SNAP23: variants seen among roughly 807,000 people sequenced by gnomAD.
SNAP23 encodes the protein synaptosomal-associated protein 23.
In SNAP23, 11 loss-of-function variants were observed where a neutral mutation model predicts 29.0. That is an observed-to-expected ratio of 0.38 (90% CI 0.24 to 0.63). SNAP23 has a LOEUF of 0.63. SNAP23 is among the 20% of genes least tolerant of loss of function. The probability of loss-of-function intolerance (pLI) is 0.58; values close to 1 mark genes in which losing one functional copy is unlikely to be tolerated. For synonymous variants in SNAP23, 60 were observed against 82.9 expected (o/e 0.72, Z 1.50); for missense variants, 220 against 253.9 (o/e 0.87, Z 0.91).
chr15:42,497,204 AT>A lies in SNAP23; in HGVS notation c.-15+1513del, dbSNP rs1192101985. Reference sequence around the variant, plus strand: ...AAATGTGTGCCACCAAACCTGGCTAATTTTTTTTTTTTTTTTTTTTTTGAGA... The same window carrying A: ...AAATGTGTGCCACCAAACCTGGCTAATTTTTTTTTTTTTTTTTTTTTGAGA... On this transcript the variant is annotated intron_variant, in intron 1 of 7. Coordinates refer to ENST00000249647, the MANE Select transcript of SNAP23 (RefSeq NM_003825.4). 6.5e-3 allele frequency among the ~76,000 whole-genome samples: 682 copies of A among 104,282 alleles called. 1 individual carries two copies. The highest frequency in any genetic ancestry group is 0.013 in the South Asian group (44 of 3,292). The allele number at this position is 104,282 out of a possible 152,430, so 68.4% of individuals were successfully genotyped here.
intron 1 of SNAP23, among the ~76,000 whole-genome samples, chr15:42,504,535 T>G (rs2057302249): frequency 6.6e-6 from 1 of 152,222 alleles, no homozygotes; most frequent in South Asian, 2.1e-4. Flanking sequence ...ATTGTTACTT[T>G]CCTTTTGTTT....
Position 42,520,145 on chromosome 15 carries a change from G to A in SNAP23, c.266+4791G>A, listed in dbSNP as rs965195856. ...AGCTCACTGCAACCCCTGCCTCCCAGGTTCAAGTGATTCTGCTGCCTCAGC... is the reference window on the plus strand; with the variant it reads ...AGCTCACTGCAACCCCTGCCTCCCAAGTTCAAGTGATTCTGCTGCCTCAGC... On this transcript the variant is annotated intron_variant, in intron 5 of 7. Coordinates refer to ENST00000249647, the MANE Select transcript of SNAP23 (RefSeq NM_003825.4). Among the ~76,000 whole-genome samples, 4 of 147,900 alleles carry A rather than the reference G, an allele frequency of 2.7e-5. No homozygotes were observed. The South Asian group carries it at 6.4e-4, about 24-fold the overall frequency.
rs5812226 is a variant in SNAP23, at chr15:42,522,842, C to CTTTTTTTTT, written c.267-5407_267-5399dup. On this transcript the variant is annotated intron_variant, in intron 5 of 7. Transcript: ENST00000249647. ...TTTCAGATTCTTACTTAAAACTTGC[C>CTTTTTTTTT]TTTTTTTTTTTTTTTTTTTTTGAGA... Among the ~76,000 whole-genome samples the CTTTTTTTTT allele has an allele frequency of 5.5e-5, 5 of 91,054 alleles. 1 individual carries two copies. Among genetic ancestry groups the CTTTTTTTTT allele is most frequent in the African/African-American group, 9.2e-5 (2 of 21,636 alleles). 59.7% of individuals were successfully genotyped at this position (91,054 alleles called of 152,430 possible).
At chr15:42,524,006 C>A (rs1161505587) in intron 5 of SNAP23, among the ~76,000 whole-genome samples, 1 of 151,406 alleles carries the variant, frequency 6.6e-6, no homozygotes, top group Non-Finnish European at 1.5e-5. Flanking sequence ...TTAGTAGAGA[C>A]GGGGTTTCAC....
At chr15:42,515,122 C>T in intron 4 of SNAP23, 115 bp from the exon 5 acceptor site, 1 of 667,504 alleles carries the variant, frequency 1.5e-6, no homozygotes, top group Non-Finnish European at 2.7e-6. Flanking sequence ...GACATACTCA[C>T]TGTGGGGAGT....
chr15:42,508,692 G>C (rs1020125841), intron 1 of SNAP23, among the ~76,000 whole-genome samples: 2 of 152,152 alleles, frequency 1.3e-5, no homozygotes. Context: ...AGGCAGCACA[G>C]AGGTCAGGAG....
rs1285042748 is a variant in SNAP23 at position 42,532,449 on chromosome 15, G to C, written c.*971G>C. Reference sequence around the variant, plus strand: ...GATTCATATATGTACATAAATCTGTGATCCCATTTCTTATTGCACCATTCA... The same window carrying C: ...GATTCATATATGTACATAAATCTGTCATCCCATTTCTTATTGCACCATTCA... On this transcript the variant is annotated 3_prime_UTR_variant, in exon 8 of 8. Coordinates refer to ENST00000249647, the MANE Select transcript of SNAP23 (RefSeq NM_003825.4). 1 of 152,152 alleles carries C rather than the reference G, an allele frequency of 6.6e-6. No individual in the cohort carries two copies. Among genetic ancestry groups the C allele is most frequent in the Non-Finnish European group, 1.5e-5 (1 of 68,038 alleles). 9.4% of individuals were successfully genotyped at this position (152,152 alleles called of 1,614,324 possible).
intron 4 of SNAP23, 65 bp downstream of exon 4, chr15:42,513,512 G>T: frequency 7.5e-7 from 1 of 1,327,740 alleles, no homozygotes; most frequent in Non-Finnish European, 1.1e-6. Flanking sequence ...TATCAAATTA[G>T]CCACATACAA....
rs1400031602 is a variant in SNAP23 at position 42,495,634 on chromosome 15, A to G, written c.-94A>G. On this transcript the variant is annotated 5_prime_UTR_variant, in exon 1 of 8. Transcript: ENST00000249647. ...GCAGGCGCGCGGGCTCGGCGCGCGCAGGCGCGACTAGGGTGCAGCGCCAGG... is the reference window on the plus strand; with the variant it reads ...GCAGGCGCGCGGGCTCGGCGCGCGCGGGCGCGACTAGGGTGCAGCGCCAGG... 1 of 152,364 alleles carries G rather than the reference A, an allele frequency of 6.6e-6. No homozygotes were observed. The highest frequency in any genetic ancestry group is 1.5e-5 in the Non-Finnish European group (1 of 68,162). 9.4% of individuals were successfully genotyped at this position (152,364 alleles called of 1,614,324 possible). A position where few individuals can be genotyped will look rare whatever the true frequency, so the allele number is the denominator to read the frequency against.
At chr15:42,519,917 A>G (rs2141539454) in intron 5 of SNAP23, among the ~76,000 whole-genome samples, 1 of 152,290 alleles carries the variant, frequency 6.6e-6, no homozygotes, top group Non-Finnish European at 1.5e-5. Context: ...ACTATTCTGA[A>G]CATGTTAATT....
chr15:42,532,036 T>A lies in SNAP23; in HGVS notation c.*558T>A, dbSNP rs1249810609. On this transcript the variant is annotated 3_prime_UTR_variant, in exon 8 of 8. Coordinates refer to ENST00000249647, the MANE Select transcript of SNAP23 (RefSeq NM_003825.4). Reference sequence around the variant, plus strand: ...GAGCTTTTATACACAACGTTTTTGTTAGGCATCACAGTTTTGCAACCTCTG... The same window carrying A: ...GAGCTTTTATACACAACGTTTTTGTAAGGCATCACAGTTTTGCAACCTCTG... The A allele has an allele frequency of 6.6e-6, 1 of 152,218 alleles. No individual in the cohort carries two copies. Among genetic ancestry groups the A allele is most frequent in the African/African-American group, 2.4e-5 (1 of 41,458 alleles). 9.4% of individuals were successfully genotyped at this position (152,218 alleles called of 1,614,324 possible). A position where few individuals can be genotyped will look rare whatever the true frequency, so the allele number is the denominator to read the frequency against.
chr15:42,524,758 A>G (rs1424381107), intron 5 of SNAP23, among the ~76,000 whole-genome samples: 1 of 151,410 alleles, frequency 6.6e-6, no homozygotes, highest in African/African-American at 2.4e-5. Context: ...CTTTGGAAGG[A>G]AAGTAAATTA....
intron 1 of SNAP23, among the ~76,000 whole-genome samples, chr15:42,496,973 C>G (rs2057224525): frequency 6.6e-6 from 1 of 151,984 alleles, no homozygotes; most frequent in African/African-American, 2.4e-5. Flanking sequence ...CACCTCTCAC[C>G]AGATTCGAGA....
upstream of SNAP23, among the ~76,000 whole-genome samples, chr15:42,494,683 T>C (rs546165115): frequency 1.3e-5 from 2 of 151,948 alleles, no homozygotes; most frequent in Non-Finnish European, 2.9e-5. Context: ...GCCCGGCTAA[T>C]TTTTTGTATT....
chr15:42,491,166 TC>T (rs2057157993), upstream of SNAP23: 1 of 152,298 alleles, frequency 6.6e-6, no homozygotes, highest in Non-Finnish European at 1.5e-5. Context: ...CGCTTTTTTT[TC>T]CTTTGCCGTC....
At chr15:42,491,180 C>G (rs2057158275), upstream of SNAP23, 1 of 152,286 alleles carries the variant, frequency 6.6e-6, no homozygotes, top group Non-Finnish European at 1.5e-5. Flanking sequence ...TTGCCGTCCG[C>G]AGTTCTCAAT....
intron 5 of SNAP23, among the ~76,000 whole-genome samples, chr15:42,525,293 G>T (rs370511023): frequency 6.6e-6 from 1 of 150,634 alleles, no homozygotes; most frequent in Admixed American, 6.6e-5. Flanking sequence ...GTGTGAACCC[G>T]GGAGGCGGAG....
chr15:42,531,175 T>C (rs2057561307), intron 7 of SNAP23, among the ~76,000 whole-genome samples: 1 of 152,236 alleles, frequency 6.6e-6, no homozygotes, highest in Non-Finnish European at 1.5e-5. Flanking sequence ...AAAAATGCGT[T>C]ATAGAATTTA....
rs1372090014 is a variant in SNAP23, at chr15:42,531,405, T to C, written c.571-8T>C. ...CCTTGTAAAGCTGATATCTTTCTTG[T>C]TTTTCAGGCTGACACCAACAGAGAT... On this transcript the variant is annotated splice_region_variant and splice_polypyrimidine_tract_variant and intron_variant, in intron 7 of 7. Transcript: ENST00000249647. 3 of 1,532,960 alleles carry C rather than the reference T, an allele frequency of 2.0e-6. No homozygotes were observed. Among genetic ancestry groups the C allele is most frequent in the Non-Finnish European group, 2.6e-6 (3 of 1,144,018 alleles). 95.0% of individuals were successfully genotyped at this position (1,532,960 alleles called of 1,614,324 possible).
Sources: allele counts gnomAD v4.1 joint callset (sites outside exome capture counted in the v4.1 genomes callset), GRCh38; gene constraint gnomAD v4.1.1; transcripts MANE v1.5; gene names NCBI Gene and HGNC (gene_info 2026-07-23, HGNC 2026-07-21).